SERTAD2: variants seen among roughly 807,000 people sequenced by gnomAD.
The protein encoded by SERTAD2 is SERTA domain containing 2, also known as SERTA domain-containing protein 2.
In SERTAD2, 2 loss-of-function variants were observed where a neutral mutation model predicts 15.4. The ratio of observed to expected loss-of-function variants is 0.13; its 90% CI spans 0.05 to 0.41. The LOEUF (loss-of-function observed/expected upper bound fraction) is 0.41, where lower values mean the gene tolerates loss of function less well. Ranked by LOEUF, SERTAD2 falls within the 10% of genes least tolerant of loss-of-function variation. SERTAD2 has a pLI of 0.99. For synonymous variants in SERTAD2, 180 were observed against 178.0 expected, an observed-to-expected ratio of 1.01 and a Z score of -0.09; for missense variants, 333 against 409.7, an observed-to-expected ratio of 0.81 and a Z score of 1.62.
intron 1 of SERTAD2, among the ~76,000 whole-genome samples, chr2:64,641,533 T>C (rs1271990749): frequency 1.3e-5 from 2 of 152,108 alleles, no homozygotes; most frequent in South Asian, 2.1e-4. Flanking sequence ...CAGCATAAGG[T>C]AGTCTCCAAC....
chr2:64,650,106 C>T (rs1011356782), intron 1 of SERTAD2, among the ~76,000 whole-genome samples: 4 of 152,110 alleles, frequency 2.6e-5, no homozygotes, highest in African/African-American at 9.7e-5. Context: ...AGATGAGGGA[C>T]AGAGGATTCT....
chr2:64,649,372 T>C (rs1465919139), intron 1 of SERTAD2, among the ~76,000 whole-genome samples: 1 of 152,238 alleles, frequency 6.6e-6, no homozygotes, highest in Non-Finnish European at 1.5e-5. Context: ...TTTAGTGTTT[T>C]TGACCATGGT....
At chr2:64,641,737 G>A (rs575428284) in intron 1 of SERTAD2, among the ~76,000 whole-genome samples, 1 of 152,320 alleles carries the variant, frequency 6.6e-6, no homozygotes, top group African/African-American at 2.4e-5. Flanking sequence ...GAGTTGAACG[G>A]TTTTACAGGC....
chr2:64,632,233 G>C lies in SERTAD2; in HGVS notation c.*3694C>G, dbSNP rs1370431685. The C allele has an allele frequency of 6.8e-6, 1 of 147,366 alleles. No homozygotes were observed. The highest frequency in any genetic ancestry group is 2.5e-5 in the African/African-American group (1 of 39,784). The allele number at this position is 147,366 out of a possible 1,614,324, so 9.1% of individuals were successfully genotyped here. ...TCGTATAGAGTAGCAATTGCTGCAC[G>C]AAGTAGAGTCTTTTTTTTTTTTTTT... On this transcript the variant is annotated 3_prime_UTR_variant, in exon 2 of 2. Coordinates refer to ENST00000313349, the MANE Select transcript of SERTAD2 (RefSeq NM_014755.3).
rs142325168 is a variant in SERTAD2 at position 64,636,518 on chromosome 2, G to A, written c.354C>T (p.Cys118=). ...CCAGGGGCGTAGTGCTTCCGAGGTC[G>A]CAGGGGTGGGAGGACGGGGACGCCA... ...SHLASPSSHP[C]DLGSTTPLEA... is the part of the protein sequence containing the mutation. Residue 118 remains cysteine (C), a synonymous_variant, in exon 2 of 2, where the codon TGC becomes TGT. Coordinates refer to ENST00000313349, the MANE Select transcript of SERTAD2 (RefSeq NM_014755.3). 28 of 1,605,354 alleles carry A rather than the reference G, an allele frequency of 1.7e-5. No homozygotes were observed. Among genetic ancestry groups the A allele is most frequent in the African/African-American group, 1.7e-4 (13 of 74,692 alleles).
Position 64,636,037 on chromosome 2 carries a change from G to A in SERTAD2, c.835C>T (p.Leu279Phe). 1 of 1,614,098 alleles carries A rather than the reference G, an allele frequency of 6.2e-7. No individual in the cohort carries two copies. The highest frequency in any genetic ancestry group is 1.1e-5 in the South Asian group (1 of 91,072). Residue 279 changes from leucine (L) to phenylalanine (F), a missense_variant, in exon 2 of 2, where the codon CTC (leucine) becomes TTC (phenylalanine). Leu to Phe is a conservative substitution (Grantham distance 22). This residue lies in a region of SERTAD2 where 332 missense variants were observed against 392.9 expected (regional missense o/e 0.84). Coordinates refer to ENST00000313349, the MANE Select transcript of SERTAD2 (RefSeq NM_014755.3). ...CTGTAAGGAGCCAGAGTTTTGAGGA[G>A]GTCGTCGGCAGACACAGGGGCCATT... ...SKMAPVSADD[L>F]LKTLAPYSSQ...
chr2:64,632,911 C>T lies in SERTAD2; in HGVS notation c.*3016G>A, dbSNP rs565264169. On this transcript the variant is annotated 3_prime_UTR_variant, in exon 2 of 2. Transcript: ENST00000313349. The stretch of plus-strand genomic sequence containing the variant: ...AAAAACTCACTTCAAATTCAAAGCT[C>T]TTACGATTCTGCTCTCATCTTGTCA... 1.3e-5 allele frequency: 2 copies of T among 152,532 alleles called. No individual in the cohort carries two copies. The highest frequency in any genetic ancestry group is 3.9e-4 in the East Asian group (2 of 5,180). 9.4% of individuals were successfully genotyped at this position (152,532 alleles called of 1,614,324 possible). A position where few individuals can be genotyped will look rare whatever the true frequency, so the allele number is the denominator to read the frequency against.
intron 1 of SERTAD2, among the ~76,000 whole-genome samples, chr2:64,643,525 C>G (rs1558654429): frequency 6.6e-6 from 1 of 152,228 alleles, no homozygotes; most frequent in African/African-American, 2.4e-5. Context: ...AAAACGCTAG[C>G]TAACAGCTCT....
At chr2:64,642,330 C>T (rs1405969225) in intron 1 of SERTAD2, among the ~76,000 whole-genome samples, 1 of 152,038 alleles carries the variant, frequency 6.6e-6, no homozygotes, top group Admixed American at 6.5e-5. Context: ...GGATCTTATC[C>T]AAAGCCCAGA....
intron 1 of SERTAD2, among the ~76,000 whole-genome samples, chr2:64,647,104 C>T (rs1558655998): frequency 6.6e-6 from 1 of 152,150 alleles, no homozygotes; most frequent in African/African-American, 2.4e-5. Context: ...AAATGTAACA[C>T]AGTTAACCTT....
intron 1 of SERTAD2, among the ~76,000 whole-genome samples, chr2:64,644,215 A>G (rs562489500): frequency 6.6e-6 from 1 of 152,324 alleles, no homozygotes; most frequent in East Asian, 1.9e-4. Context: ...TGGTGGTGGT[A>G]GAAGAAAGGG....
intron 1 of SERTAD2, chr2:64,644,995 G>T (rs1425331435): frequency 6.6e-6 from 1 of 151,392 alleles, no homozygotes; most frequent in African/African-American, 2.4e-5. Flanking sequence ...ACAAGGCGGA[G>T]TATTAGTAAC....
intron 1 of SERTAD2, among the ~76,000 whole-genome samples, chr2:64,650,089 T>G (rs866674301): frequency 6.6e-6 from 1 of 152,248 alleles, no homozygotes; most frequent in South Asian, 2.1e-4. Context: ...ATCCTAGCAT[T>G]AAGTTCAGAT....
intron 1 of SERTAD2, among the ~76,000 whole-genome samples, chr2:64,643,783 G>A (rs909134983): frequency 3.9e-5 from 6 of 152,064 alleles, no homozygotes; most frequent in Admixed American, 2.0e-4. Context: ...GGAGAATGGC[G>A]TGAACCCGGG....
chr2:64,642,411 A>G (rs966598758), intron 1 of SERTAD2, among the ~76,000 whole-genome samples: 1 of 152,134 alleles, frequency 6.6e-6, no homozygotes, highest in Non-Finnish European at 1.5e-5. Flanking sequence ...TGCATTTTGG[A>G]AAAAAAATGC....
chr2:64,636,348 TC>T lies in SERTAD2; in HGVS notation c.523del (p.Glu175ArgfsTer22). ...EKDSFSSALD[E>X]IEELCPTSTS... ...AGATGTGGGACAGAGCTCCTCGATC[TC>T]GTCCAAGGCAGAGGAGAAACTGTCC... On this transcript the variant is annotated frameshift_variant, in exon 2 of 2. Transcript: ENST00000313349. LOFTEE classifies it high-confidence loss of function. 1 of 1,614,210 alleles carries T rather than the reference TC, an allele frequency of 6.2e-7. No homozygotes were observed. The highest frequency in any genetic ancestry group is 1.3e-5 in the African/African-American group (1 of 75,046).
chr2:64,641,748 G>A (rs1003934727), intron 1 of SERTAD2, among the ~76,000 whole-genome samples: 7 of 152,160 alleles, frequency 4.6e-5, no homozygotes, highest in East Asian at 1.9e-4. Context: ...TTTTACAGGC[G>A]GGATCAGGGT....
intron 1 of SERTAD2, among the ~76,000 whole-genome samples, chr2:64,641,871 G>T (rs1199781037): frequency 6.6e-6 from 1 of 152,148 alleles, no homozygotes. Context: ...CAAGCCTTAG[G>T]TTCACCTGGA....
chr2:64,639,664 A>G (rs975960967), intron 1 of SERTAD2, among the ~76,000 whole-genome samples: 7 of 152,252 alleles, frequency 4.6e-5, no homozygotes, highest in Non-Finnish European at 8.8e-5. Flanking sequence ...GGGCTTTTTT[A>G]ATACTGCATT....
Sources: allele counts gnomAD v4.1 joint callset (sites outside exome capture counted in the v4.1 genomes callset), GRCh38; gene constraint gnomAD v4.1.1; regional missense constraint gnomAD v4.1.1; transcripts MANE v1.5; gene names NCBI Gene and HGNC (gene_info 2026-07-23, HGNC 2026-07-21).